Variants in UFSP2 observed in about 807,000 individuals in gnomAD.
UFSP2 encodes ufm1-specific protease 2.
Under a neutral mutation model 60.2 loss-of-function variants are expected in UFSP2, and 43 were observed. The observed-to-expected ratio is 0.71, with a 90% confidence interval of 0.56 to 0.92. The LOEUF is 0.92. Ranked by LOEUF, UFSP2 falls within the 40% of genes least tolerant of loss-of-function variation. UFSP2 has a pLI of 0.00. For synonymous variants in UFSP2, 183 were observed against 195.1 expected (o/e 0.94, Z 0.52); for missense variants, 520 against 575.0 (o/e 0.90, Z 0.98).
At chr4:185,413,247 G>A (rs2095532658) in intron 7 of UFSP2, among the ~76,000 whole-genome samples, 1 of 152,164 alleles carries the variant, frequency 6.6e-6, no homozygotes, top group South Asian at 2.1e-4. Flanking sequence ...AATTAGCCAG[G>A]TGTGGTGGCA....
At chr4:185,417,191 T>C (rs938740179) in intron 4 of UFSP2, among the ~76,000 whole-genome samples, 1 of 152,198 alleles carries the variant, frequency 6.6e-6, no homozygotes, top group Admixed American at 6.5e-5. Context: ...TTCCTGCCAA[T>C]AGTGCATGAC....
At chr4:185,413,586 T>C in intron 7 of UFSP2, 140 bp downstream of exon 7, 1 of 787,596 alleles carries the variant, frequency 1.3e-6, no homozygotes, top group Non-Finnish European at 1.9e-6. Flanking sequence ...TCTTAAGCAA[T>C]GTCTGTTAAC....
chr4:185,402,388 A>G, intron 11 of UFSP2: 1 of 445,658 alleles, frequency 2.2e-6, no homozygotes, highest in Non-Finnish European at 4.5e-6. Context: ...AACTGTAACA[A>G]CACATTTCTA....
chr4:185,419,748 C>T (rs764382665), intron 2 of UFSP2, among the ~76,000 whole-genome samples: 1 of 152,224 alleles, frequency 6.6e-6, no homozygotes, highest in Non-Finnish European at 1.5e-5. Flanking sequence ...TGAATCAGTA[C>T]TTCATTCCTT....
At chr4:185,421,011 G>GT (rs1230240747) in intron 2 of UFSP2, among the ~76,000 whole-genome samples, 10 of 152,174 alleles carry the variant, frequency 6.6e-5, no homozygotes, top group Non-Finnish European at 1.3e-4. Context: ...TATCCATAAA[G>GT]TAACATTTTA....
Position 185,399,914 on chromosome 4 carries a change from T to TTG in UFSP2, c.*477_*478insCA. The TTG allele has an allele frequency of 1.3e-6, 2 of 1,541,234 alleles. No homozygotes were observed. The highest frequency in any genetic ancestry group is 4.7e-5 in the East Asian group (2 of 43,004). On this transcript the variant is annotated 3_prime_UTR_variant, in exon 12 of 12. Coordinates refer to ENST00000264689, the MANE Select transcript of UFSP2 (RefSeq NM_018359.5). ...ATTAACATTTTAGTACTGGTTATAC[T>TTG]TACCAGAGTCTAGAGACCAAAAATG...
At chr4:185,423,528 A>G (rs950450164) in intron 1 of UFSP2, among the ~76,000 whole-genome samples, 1 of 151,654 alleles carries the variant, frequency 6.6e-6, no homozygotes, top group East Asian at 2.0e-4. Context: ...ATTCGGGTAC[A>G]TGGATATTAA....
At chr4:185,416,753 T>C (rs2095539435) in intron 4 of UFSP2, among the ~76,000 whole-genome samples, 1 of 152,244 alleles carries the variant, frequency 6.6e-6, no homozygotes, top group Non-Finnish European at 1.5e-5. Context: ...AGAAAGGCAC[T>C]GGAGCCAGCT....
At chr4:185,418,829 T>A in intron 2 of UFSP2, 59 bp from the exon 3 acceptor site, 1 of 1,328,340 alleles carries the variant, frequency 7.5e-7, no homozygotes, top group Admixed American at 2.6e-5. Context: ...CATGAATGGT[T>A]CCAAACATAC....
rs1367823427 is a variant in UFSP2, at chr4:185,400,461, C to T, written c.1341G>A (p.Lys447=). Residue 447 remains lysine, a synonymous_variant, in exon 12 of 12, where the codon AAG becomes AAA. Coordinates refer to ENST00000264689, the MANE Select transcript of UFSP2 (RefSeq NM_018359.5). ...CATCCTTGTTCCAAAAATCTGGGCC[C>T]TTCCATCCGCACCAGCCCTGGATAG... ...VILEKGWCGW[K]GPDFWNKDAY... is the part of the protein sequence containing the mutation. 6.2e-7 allele frequency: 1 copy of T among 1,613,618 alleles called. No individual in the cohort carries two copies. The highest frequency in any genetic ancestry group is 8.5e-7 in the Non-Finnish European group (1 of 1,179,790).
rs1561106881 is a variant in UFSP2, at chr4:185,403,554, C to T, written c.1263G>A (p.Lys421=). 6.2e-7 allele frequency: 1 copy of T among 1,614,182 alleles called. No individual in the cohort carries two copies. The highest frequency in any genetic ancestry group is 1.1e-5 in the South Asian group (1 of 91,088). ...TATAATGTGGATCTAGAATCAGAAACTTTATCTGCCCTGTAATCTCATTCC... is the reference window on the plus strand; with the variant it reads ...TATAATGTGGATCTAGAATCAGAAATTTTATCTGCCCTGTAATCTCATTCC... ...VAWNEITGQI[K]FLILDPHYTG... Residue 421 remains lysine, a synonymous_variant, in exon 11 of 12, where the codon AAG becomes AAA. Coordinates refer to ENST00000264689, the MANE Select transcript of UFSP2 (RefSeq NM_018359.5).
chr4:185,415,623 CCTTAGGTATACCTACA>C, intron 5 of UFSP2, 71 bp downstream of exon 5: 1 of 1,202,118 alleles, frequency 8.3e-7, no homozygotes, highest in Non-Finnish European at 1.2e-6. Flanking sequence ...GAAAATCACA[CCTTAGGTATACCTACA>C]GGATATACAA....
Position 185,413,725 on chromosome 4 carries a change from C to T in UFSP2, c.831+1G>A. ...TCCCATAAATAATTAGTTAAACTCA[C>T]CATACCAGTCTCCATGTTAGGTGGA... is the stretch of plus-strand genomic sequence containing the variant. On this transcript the variant is annotated splice_donor_variant, in intron 7 of 11. Coordinates refer to ENST00000264689, the MANE Select transcript of UFSP2 (RefSeq NM_018359.5). LOFTEE classifies it high-confidence loss of function. 8 of 1,606,756 alleles carry T rather than the reference C, an allele frequency of 5.0e-6. No homozygotes were observed. Among genetic ancestry groups the T allele is most frequent in the Non-Finnish European group, 5.9e-6 (7 of 1,177,888 alleles).
chr4:185,414,425 G>T (rs1300956727), intron 6 of UFSP2, among the ~76,000 whole-genome samples: 3 of 152,032 alleles, frequency 2.0e-5, no homozygotes, highest in African/African-American at 7.2e-5. Context: ...CATGTAATAG[G>T]TATTTTAAAA....
chr4:185,413,939 A>G (rs2095534030), intron 6 of UFSP2, 67 bp from the exon 7 acceptor site: 24 of 1,398,726 alleles, frequency 1.7e-5, no homozygotes, highest in Non-Finnish European at 2.2e-5. Flanking sequence ...GTCAATAAAT[A>G]AAGATGTTAT....
At chr4:185,422,600 A>G in intron 1 of UFSP2, 37 bp from the exon 2 acceptor site, 2 of 1,337,718 alleles carry the variant, frequency 1.5e-6, no homozygotes, top group Non-Finnish European at 2.1e-6. Flanking sequence ...CTCCCTTGTA[A>G]AACAAAACAA....
Position 185,400,285 on chromosome 4 carries a change from A to T in UFSP2, c.*107T>A. The T allele has an allele frequency of 2.1e-6, 2 of 966,368 alleles. No homozygotes were observed. Among genetic ancestry groups the T allele is most frequent in the South Asian group, 1.6e-5 (1 of 60,746 alleles). The allele number at this position is 966,368 out of a possible 1,614,324, so 59.9% of individuals were successfully genotyped here. On this transcript the variant is annotated 3_prime_UTR_variant, in exon 12 of 12. Transcript: ENST00000264689. ...TTTACAACCTTTGAAAAAGGTCATA[A>T]TTTAAATCGTCAAACTAGAACCAGG...
chr4:185,406,999 A>ATTTGT (rs1488145174), intron 9 of UFSP2, among the ~76,000 whole-genome samples: 2 of 110,002 alleles, frequency 1.8e-5, no homozygotes, highest in African/African-American at 6.6e-5. Context: ...AATGTATTTT[A>ATTTGT]TTTGTTTTTT....
intron 9 of UFSP2, 85 bp from the exon 10 acceptor site, chr4:185,405,941 C>A: frequency 6.2e-7 from 1 of 1,603,874 alleles, no homozygotes; most frequent in South Asian, 1.1e-5. Flanking sequence ...TTCCTACTTT[C>A]TTGTTTTTTC....
Sources: allele counts gnomAD v4.1 joint callset (sites outside exome capture counted in the v4.1 genomes callset), GRCh38; gene constraint gnomAD v4.1.1; transcripts MANE v1.5; gene names NCBI Gene and HGNC (gene_info 2026-07-23, HGNC 2026-07-21).